The following HS6ST3 variants were observed in gnomAD, a reference collection of about 807,000 sequenced individuals.
The protein encoded by HS6ST3 is heparan sulfate 6-O-sulfotransferase 3.
Under a neutral mutation model 36.7 loss-of-function variants are expected in HS6ST3, and 12 were observed. The ratio of observed to expected loss-of-function variants is 0.33; its 90% CI spans 0.21 to 0.53. The LOEUF (loss-of-function observed/expected upper bound fraction) is 0.53, where lower values mean the gene tolerates loss of function less well. Ranked by LOEUF, HS6ST3 falls within the 20% of genes least tolerant of loss-of-function variation. The pLI is 0.95. For synonymous variants in HS6ST3, 240 were observed against 257.5 expected (o/e 0.93, Z 0.65); for missense variants, 584 against 640.9 (o/e 0.91, Z 0.96).
chr13:96,532,402 T>C (rs1377270963), intron 1 of HS6ST3, among the ~76,000 whole-genome samples: 2 of 152,230 alleles, frequency 1.3e-5, no homozygotes. Context: ...TGTTGCACAC[T>C]CTCAACTCTT....
chr13:96,828,478 A>G (rs1345119902), intron 1 of HS6ST3, among the ~76,000 whole-genome samples: 1 of 152,098 alleles, frequency 6.6e-6, no homozygotes, highest in Non-Finnish European at 1.5e-5. Flanking sequence ...AGTTTTTCCT[A>G]CAAAATAGGA....
chr13:96,255,464 TA>T (rs1479954725), intron 1 of HS6ST3, among the ~76,000 whole-genome samples: 1 of 152,192 alleles, frequency 6.6e-6, no homozygotes, highest in South Asian at 2.1e-4. Context: ...TCTAATACAC[TA>T]AAAAATATAT....
At chr13:96,181,050 A>T (rs2054237522) in intron 1 of HS6ST3, among the ~76,000 whole-genome samples, 1 of 152,218 alleles carries the variant, frequency 6.6e-6, no homozygotes, top group South Asian at 2.1e-4. Flanking sequence ...CTGTTATCAC[A>T]TGCATTGGTT....
intron 1 of HS6ST3, among the ~76,000 whole-genome samples, chr13:96,645,713 C>T (rs1364908035): frequency 6.6e-6 from 1 of 151,768 alleles, no homozygotes; most frequent in Non-Finnish European, 1.5e-5. Context: ...TATAAATAAA[C>T]TTAGGAATGA....
At chr13:96,819,699 G>C (rs1333842322) in intron 1 of HS6ST3, among the ~76,000 whole-genome samples, 2 of 152,112 alleles carry the variant, frequency 1.3e-5, no homozygotes, top group Admixed American at 6.6e-5. Flanking sequence ...GAGCACAGGA[G>C]TTGAAGTAAG....
chr13:96,298,873 G>A (rs1257472727), intron 1 of HS6ST3, among the ~76,000 whole-genome samples: 1 of 151,998 alleles, frequency 6.6e-6, no homozygotes, highest in African/African-American at 2.4e-5. Context: ...ATTTTATATT[G>A]CAGGAAAAAA....
intron 1 of HS6ST3, among the ~76,000 whole-genome samples, chr13:96,221,176 T>G (rs1436722551): frequency 6.6e-6 from 1 of 152,134 alleles, no homozygotes; most frequent in Non-Finnish European, 1.5e-5. Context: ...GTTGAGAAAC[T>G]ACTTTGTGAT....
intron 1 of HS6ST3, among the ~76,000 whole-genome samples, chr13:96,824,515 T>C (rs150954968): frequency 1.8e-3 from 280 of 152,362 alleles, no homozygotes; most frequent in African/African-American, 6.5e-3. Context: ...GGCAGTCTGA[T>C]TGCTAAGCCT....
chr13:96,672,470 A>T (rs573609866), intron 1 of HS6ST3, among the ~76,000 whole-genome samples: 1 of 152,264 alleles, frequency 6.6e-6, no homozygotes, highest in East Asian at 1.9e-4. Flanking sequence ...ACCCCTCTCC[A>T]GCAGCCCTCC....
In HS6ST3 at chr13:96,832,717, G is replaced by A. The variant is rs770895513; in HGVS notation, c.935G>A (p.Arg312His). 9.3e-6 allele frequency: 15 copies of A among 1,613,900 alleles called. No individual in the cohort carries two copies. The highest frequency in any genetic ancestry group is 2.2e-5 in the South Asian group (2 of 91,068). ...TYNLANNRQVRMLADLSLVGC... is the reference protein window; with the variant it reads ...TYNLANNRQVHMLADLSLVGC... The stretch of plus-strand genomic sequence containing the variant: ...AACCTGGCTAACAATCGCCAGGTGC[G>A]CATGCTGGCTGACCTCAGCCTGGTG... Residue 312 changes from arginine (R) to histidine (H), a missense_variant, in exon 2 of 2, where the codon CGC becomes CAC. Around this residue, in one of 3 missense-constraint regions of HS6ST3, gnomAD observed 360 missense variants for 411.3 expected, o/e 0.88. Transcript: ENST00000376705.
chr13:96,735,723 AG>A (rs1157852581), intron 1 of HS6ST3, among the ~76,000 whole-genome samples: 1 of 152,192 alleles, frequency 6.6e-6, no homozygotes, highest in Admixed American at 6.5e-5. Flanking sequence ...AATCAGTACA[AG>A]TGGAGCTAAG....
intron 1 of HS6ST3, among the ~76,000 whole-genome samples, chr13:96,201,674 C>A (rs997276406): frequency 4.6e-5 from 7 of 152,150 alleles, no homozygotes; most frequent in Non-Finnish European, 1.5e-5. Flanking sequence ...TCTGTATCCC[C>A]TGCTTTTAGA....
chr13:96,139,672 C>T (rs1249046709), intron 1 of HS6ST3, among the ~76,000 whole-genome samples: 3 of 150,010 alleles, frequency 2.0e-5, no homozygotes. Context: ...AGTAATTTTT[C>T]TTCATGAGTT....
chr13:96,297,455 C>A (rs2054860715), intron 1 of HS6ST3, among the ~76,000 whole-genome samples: 1 of 152,102 alleles, frequency 6.6e-6, no homozygotes, highest in Non-Finnish European at 1.5e-5. Context: ...CTTTTAAAAC[C>A]TGCAGTGGTT....
intron 1 of HS6ST3, among the ~76,000 whole-genome samples, chr13:96,665,936 C>T (rs536578727): frequency 6.6e-6 from 1 of 152,058 alleles, no homozygotes; most frequent in East Asian, 1.9e-4. Context: ...TTAAACTAAG[C>T]CTTTTTGAGT....
At chr13:96,663,297 C>A (rs1477940817) in intron 1 of HS6ST3, among the ~76,000 whole-genome samples, 2 of 152,134 alleles carry the variant, frequency 1.3e-5, no homozygotes, top group African/African-American at 4.8e-5. Flanking sequence ...CACAATGTAC[C>A]TGAGAGCTGT....
intron 1 of HS6ST3, among the ~76,000 whole-genome samples, chr13:96,205,844 C>T (rs2054367384): frequency 6.6e-6 from 1 of 152,116 alleles, no homozygotes; most frequent in Admixed American, 6.5e-5. Context: ...ATGACAGACT[C>T]ACAGCCAGTA....
chr13:96,278,318 A>G (rs1222541615), intron 1 of HS6ST3, among the ~76,000 whole-genome samples: 3 of 152,126 alleles, frequency 2.0e-5, no homozygotes, highest in African/African-American at 7.2e-5. Context: ...CCAGCATAAT[A>G]TCCTGTGGGG....
intron 1 of HS6ST3, among the ~76,000 whole-genome samples, chr13:96,637,480 C>T (rs2056553960): frequency 6.6e-6 from 1 of 152,034 alleles, no homozygotes; most frequent in Non-Finnish European, 1.5e-5. Flanking sequence ...AATGGGGATA[C>T]TTCAAAAGCT....
Sources: gnomAD v4.1 joint callset for allele counts (sites outside exome capture counted in the v4.1 genomes callset) on GRCh38, gnomAD v4.1.1 for gene constraint, gnomAD v4.1.1 regional missense constraint, MANE v1.5 for transcripts, NCBI Gene and HGNC (gene_info 2026-07-23, HGNC 2026-07-21) for gene names.